Variants in SPAG11A observed in about 807,000 individuals in gnomAD.
SPAG11A encodes the protein sperm-associated antigen 11A.
SPAG11A carries 2 observed loss-of-function variants against 5.5 expected under a neutral mutation model. That is an observed-to-expected ratio of 0.37 (90% CI 0.15 to 1.15). SPAG11A has a LOEUF of 1.15. Among genes scored for constraint, SPAG11A ranks in the 50% most tolerant of loss-of-function variants. SPAG11A has a pLI of 0.38. For synonymous variants in SPAG11A, 11 were observed against 42.7 expected (o/e 0.26, Z 2.90); for missense variants, 24 against 122.5 (o/e 0.20, Z 3.80).
At chr8:7,852,634 G>A (rs546656752) in intron 2 of SPAG11A, among the ~76,000 whole-genome samples, 1 of 152,072 alleles carries the variant, frequency 6.6e-6, no homozygotes, top group South Asian at 2.1e-4. Flanking sequence ...CGCCCGGCCA[G>A]GTTACCGCTT....
At chr8:7,857,716 A>G (rs1818082508) in intron 2 of SPAG11A, among the ~76,000 whole-genome samples, 1 of 89,860 alleles carries the variant, frequency 1.1e-5, no homozygotes, top group African/African-American at 3.0e-5. Context: ...AAGGTACAGA[A>G]AGGTCTGTGA....
intron 2 of SPAG11A, among the ~76,000 whole-genome samples, chr8:7,858,012 T>C (rs1367738206): frequency 9.5e-6 from 1 of 104,714 alleles, no homozygotes; most frequent in Non-Finnish European, 2.3e-5. Context: ...TAACAAGTAA[T>C]ATAGGCAAGT....
chr8:7,857,627 CT>C lies in SPAG11A; in HGVS notation c.215-3010del, dbSNP rs200821380. Among the ~76,000 whole-genome samples, 5 of 81,496 alleles carry C rather than the reference CT, an allele frequency of 6.1e-5. 1 individual carries two copies. Among genetic ancestry groups the C allele is most frequent in the Non-Finnish European group, 9.3e-5 (3 of 32,328 alleles). 53.5% of individuals were successfully genotyped at this position (81,496 alleles called of 152,430 possible). A position where few individuals can be genotyped will look rare whatever the true frequency, so the allele number is the denominator to read the frequency against. ...TTTAAGGTAACTTTTTTTTTTCTCT[CT>C]TTTTTTTTGATGGAGGGTCAAAAGC... On this transcript the variant is annotated intron_variant, in intron 2 of 2. Coordinates refer to ENST00000642566, the Ensembl canonical transcript of SPAG11A.
Position 7,860,570 on chromosome 8 carries a change from G to T in SPAG11A, c.215-76G>T, listed in dbSNP as rs189092683. 1.5e-4 allele frequency: 201 copies of T among 1,382,708 alleles called. 34 individuals carry two copies. Among genetic ancestry groups the T allele is most frequent in the Non-Finnish European group, 1.8e-4 (184 of 1,029,852 alleles). The allele number at this position is 1,382,708 out of a possible 1,614,324, so 85.7% of individuals were successfully genotyped here. ...AGCCTTGTCAGAATATATAACCCTT[G>T]GCAGTGGGCTGGGTTCATCTTCTAT... On this transcript the variant is annotated intron_variant, in intron 2 of 2. Transcript: ENST00000642566.
intron 2 of SPAG11A, 96 bp from the exon 3 acceptor site, chr8:7,860,550 T>C (rs1818174494): frequency 7.3e-7 from 1 of 1,365,682 alleles, no homozygotes; most frequent in Middle Eastern, 1.9e-4. Flanking sequence ...TACTTAGCCT[T>C]GTCAGAATAT....
downstream of SPAG11A, among the ~76,000 whole-genome samples, chr8:7,861,996 C>T (rs1362293042): frequency 3.3e-5 from 3 of 90,580 alleles, 1 homozygote; most frequent in Non-Finnish European, 7.3e-5. Context: ...GCACAGGCAC[C>T]GCTGCAGGGC....
chr8:7,852,393 C>G (rs559151144), intron 2 of SPAG11A, among the ~76,000 whole-genome samples: 1 of 152,154 alleles, frequency 6.6e-6, no homozygotes, highest in Non-Finnish European at 1.5e-5. Flanking sequence ...GGCTCACCAC[C>G]ACCTCCACCT....
chr8:7,852,435 C>T (rs1271010503), intron 2 of SPAG11A, among the ~76,000 whole-genome samples: 17 of 152,268 alleles, frequency 1.1e-4, no homozygotes, highest in African/African-American at 4.1e-4. Flanking sequence ...CAGGTTCAAG[C>T]AATTCTCCTG....
intron 2 of SPAG11A, among the ~76,000 whole-genome samples, chr8:7,857,496 C>T (rs1488293864): frequency 1.5e-5 from 1 of 66,416 alleles, no homozygotes; most frequent in Non-Finnish European, 3.2e-5. Flanking sequence ...AGAACAAATG[C>T]TCCACAGAGA....
intron 2 of SPAG11A, chr8:7,860,387 G>A: frequency 7.0e-7 from 1 of 1,429,798 alleles, no homozygotes; most frequent in Non-Finnish European, 9.5e-7. Context: ...CCTCATTTAA[G>A]ATCTGCGTGG....
intron 2 of SPAG11A, among the ~76,000 whole-genome samples, chr8:7,860,048 G>T (rs1818147072): frequency 6.6e-6 from 1 of 150,666 alleles, no homozygotes; most frequent in Non-Finnish European, 1.5e-5. Flanking sequence ...TGTTGTTGCT[G>T]CTGTTTAAAG....
rs1818171230 is a variant in SPAG11A at position 7,860,469 on chromosome 8, A to T, written c.215-177A>T. 13 of 1,412,702 alleles carry T rather than the reference A, an allele frequency of 9.2e-6. No individual in the cohort carries two copies. The East Asian group carries it at 4.3e-4, about 47-fold the overall frequency. 87.5% of individuals were successfully genotyped at this position (1,412,702 alleles called of 1,614,324 possible). ...CCTATCATCCTCCTGGCAACATTTC[A>T]GATATAAATTATCGTTCCTGTTTTA... On this transcript the variant is annotated intron_variant, in intron 2 of 2. Transcript: ENST00000642566.
intron 2 of SPAG11A, among the ~76,000 whole-genome samples, chr8:7,857,501 CAGAG>C (rs1818077084): frequency 1.5e-5 from 1 of 68,958 alleles, no homozygotes; most frequent in African/African-American, 4.1e-5. Flanking sequence ...AAATGCTCCA[CAGAG>C]AAAGAATTTC....
intron 2 of SPAG11A, among the ~76,000 whole-genome samples, chr8:7,857,414 G>A (rs1365038982): frequency 1.9e-5 from 2 of 103,902 alleles, no homozygotes; most frequent in African/African-American, 5.9e-5. Flanking sequence ...ATTTCCCTAA[G>A]GGGCAAATGA....
At chr8:7,851,963 TC>T (rs1470748599) in intron 2 of SPAG11A, among the ~76,000 whole-genome samples, 1 of 116,074 alleles carries the variant, frequency 8.6e-6, no homozygotes, top group Non-Finnish European at 1.9e-5. Context: ...AGTTGGGACT[TC>T]CTTACCAATT....
rs1817872685 is a variant in SPAG11A at position 7,848,776 on chromosome 8, CG to C, written c.150del (p.Gln52SerfsTer7). 1.1e-6 allele frequency: 1 copy of C among 898,256 alleles called. No individual in the cohort carries two copies. Among genetic ancestry groups the C allele is most frequent in the Non-Finnish European group, 1.7e-6 (1 of 605,950 alleles). 55.6% of individuals were successfully genotyped at this position (898,256 alleles called of 1,614,324 possible). On this transcript the variant is annotated frameshift_variant, in exon 2 of 3. Coordinates refer to ENST00000642566, the Ensembl canonical transcript of SPAG11A. LOFTEE classifies it high-confidence loss of function. ...AAAGAGCCCCTGGGCAAGGCACAAA[CG>C]GGTTTCAGCTGCTACGCCACGCAGT...
intron 2 of SPAG11A, among the ~76,000 whole-genome samples, chr8:7,852,851 CTTCTA>C (rs1817989058): frequency 3.5e-5 from 1 of 28,234 alleles, no homozygotes; most frequent in African/African-American, 6.2e-5. Context: ...CTGTAGAGCC[CTTCTA>C]TTTTTTTTTT....
downstream of SPAG11A, among the ~76,000 whole-genome samples, chr8:7,861,471 C>G (rs1818212837): frequency 6.8e-6 from 1 of 146,472 alleles, no homozygotes; most frequent in Admixed American, 6.8e-5. Context: ...GTATGCCTAT[C>G]AGCCAGCATT....
chr8:7,860,049 C>T (rs2128928586), intron 2 of SPAG11A, among the ~76,000 whole-genome samples: 1 of 150,806 alleles, frequency 6.6e-6, no homozygotes, highest in African/African-American at 2.4e-5. Flanking sequence ...GTTGTTGCTG[C>T]TGTTTAAAGT....
Sources: gnomAD v4.1 joint callset for allele counts (sites outside exome capture counted in the v4.1 genomes callset) on GRCh38, gnomAD v4.1.1 for gene constraint, MANE v1.5 for transcripts, NCBI Gene and HGNC (gene_info 2026-07-23, HGNC 2026-07-21) for gene names.